The following L2HGDH variants were observed in gnomAD, a reference collection of about 807,000 sequenced individuals.
L2HGDH encodes the protein L-2-hydroxyglutarate dehydrogenase.
Under a neutral mutation model 51.5 loss-of-function variants are expected in L2HGDH, and 34 were observed. The observed-to-expected ratio is 0.66, with a 90% CI of 0.50 to 0.88. L2HGDH has a LOEUF of 0.88. Ranked by LOEUF, L2HGDH falls within the 40% of genes least tolerant of loss-of-function variation. The pLI is 0.00. For missense variants in L2HGDH, 558 were observed against 571.9 expected (o/e 0.98, Z 0.25); for synonymous variants, 198 against 197.9 (o/e 1.00, Z -0.01).
At chr14:50,276,458 T>C (rs1889983945) in intron 6 of L2HGDH, among the ~76,000 whole-genome samples, 1 of 108,240 alleles carries the variant, frequency 9.2e-6, no homozygotes. Flanking sequence ...ATAGATTGAA[T>C]TGTGCCCCCC....
chr14:50,298,811 C>T (rs1177176432), intron 3 of L2HGDH, among the ~76,000 whole-genome samples: 1 of 152,080 alleles, frequency 6.6e-6, no homozygotes, highest in Admixed American at 6.6e-5. Flanking sequence ...AGACAACATA[C>T]CAAAACCTAT....
At chr14:50,293,706 A>G (rs765652282) in intron 4 of L2HGDH, among the ~76,000 whole-genome samples, 5 of 152,172 alleles carry the variant, frequency 3.3e-5, no homozygotes, top group African/African-American at 7.2e-5. Context: ...CCCTCCTCCA[A>G]AAATGTTCAA....
At chr14:50,289,715 C>T (rs1275430564) in intron 4 of L2HGDH, among the ~76,000 whole-genome samples, 2 of 152,166 alleles carry the variant, frequency 1.3e-5, no homozygotes, top group Non-Finnish European at 2.9e-5. Context: ...AAGGGATTAA[C>T]GTTTAGCCGA....
intron 2 of L2HGDH, among the ~76,000 whole-genome samples, 190 bp from the exon 3 acceptor site, chr14:50,302,358 T>C (rs1032713596): frequency 6.6e-6 from 1 of 152,224 alleles, no homozygotes; most frequent in Admixed American, 6.5e-5. Flanking sequence ...AGCCCATCTC[T>C]GATTTCAACT....
In L2HGDH at chr14:50,283,856, A is replaced by G; in HGVS notation, c.703+15T>C. ...GGGCTGACTATATTCAATAGAAAAG[A>G]CAAGGATGGCTTACCATCTATACTT... On this transcript the variant is annotated intron_variant, in intron 5 of 9. Transcript: ENST00000267436. 1.2e-6 allele frequency: 2 copies of G among 1,611,698 alleles called. No individual in the cohort carries two copies. Among genetic ancestry groups the G allele is most frequent in the Non-Finnish European group, 1.7e-6 (2 of 1,177,822 alleles).
intron 4 of L2HGDH, among the ~76,000 whole-genome samples, chr14:50,289,811 C>T (rs1890773021): frequency 6.6e-6 from 1 of 152,140 alleles, no homozygotes; most frequent in South Asian, 2.1e-4. Flanking sequence ...TTATAACCCA[C>T]TCAATGTTAA....
intron 9 of L2HGDH, among the ~76,000 whole-genome samples, chr14:50,247,747 A>G (rs1888090997): frequency 6.6e-6 from 1 of 152,162 alleles, no homozygotes; most frequent in South Asian, 2.1e-4. Flanking sequence ...AAATTTATGG[A>G]GAGAAATATT....
chr14:50,292,494 G>A (rs1890936264), intron 4 of L2HGDH, among the ~76,000 whole-genome samples: 1 of 151,922 alleles, frequency 6.6e-6, no homozygotes, highest in Admixed American at 6.6e-5. Context: ...ATCACCTGAG[G>A]TCGGGAGTTC....
intron 8 of L2HGDH, 25 bp downstream of exon 8, chr14:50,267,728 C>G (rs1566512817): frequency 6.4e-7 from 1 of 1,553,976 alleles, no homozygotes; most frequent in Non-Finnish European, 8.8e-7. Context: ...CACATAAAAT[C>G]ATTTTTAAAA....
rs1003262959 is a variant in L2HGDH, at chr14:50,290,672, AT to A, written c.540+3442del. ...GGACACTGAAATTTGAATTTCATAT[AT>A]TTTTTTTTGAGATGGAGTCTCTCTC... On this transcript the variant is annotated intron_variant, in intron 4 of 9. Transcript: ENST00000267436. Among the ~76,000 whole-genome samples the A allele has an allele frequency of 5.3e-5, 8 of 149,606 alleles. No individual in the cohort carries two copies. In the East Asian group the frequency reaches 1.4e-3, roughly 26 times the overall value.
At chr14:50,287,864 T>C (rs998117986) in intron 4 of L2HGDH, among the ~76,000 whole-genome samples, 3 of 151,666 alleles carry the variant, frequency 2.0e-5, no homozygotes, top group African/African-American at 7.3e-5. Context: ...CGCCTGGCTA[T>C]TTTTTGTATT....
intron 4 of L2HGDH, among the ~76,000 whole-genome samples, chr14:50,289,740 G>A (rs1890770165): frequency 6.6e-6 from 1 of 152,120 alleles, no homozygotes; most frequent in African/African-American, 2.4e-5. Flanking sequence ...CTTATACATA[G>A]TATTTCATTT....
chr14:50,277,683 G>A (rs1399834782), intron 6 of L2HGDH, among the ~76,000 whole-genome samples: 1 of 151,798 alleles, frequency 6.6e-6, no homozygotes, highest in Non-Finnish European at 1.5e-5. Flanking sequence ...TGAGGCAGGA[G>A]AATGGTGTGC....
At chr14:50,298,018 T>C (rs1470910470) in intron 3 of L2HGDH, among the ~76,000 whole-genome samples, 1 of 151,496 alleles carries the variant, frequency 6.6e-6, no homozygotes, top group African/African-American at 2.4e-5. Context: ...TTTGGGTGGG[T>C]AGATCACTTG....
chr14:50,287,349 A>G, intron 4 of L2HGDH: 1 of 979,902 alleles, frequency 1.0e-6, no homozygotes, highest in South Asian at 4.7e-5. Context: ...CACAACAGGC[A>G]ACAATCAGAT....
rs2031277320 is a variant in L2HGDH at position 50,312,205 on chromosome 14, C to T, written c.-55G>A. 2.5e-6 allele frequency: 4 copies of T among 1,596,384 alleles called. No individual in the cohort carries two copies. Among genetic ancestry groups the T allele is most frequent in the African/African-American group, 1.3e-5 (1 of 74,798 alleles). On this transcript the variant is annotated 5_prime_UTR_variant, in exon 1 of 10. It adds an upstream start codon to the 5' untranslated region. Transcript: ENST00000267436. Reference sequence around the variant, plus strand: ...TCAGAAGAAGCCACTTGACCCTCCACGGCCGAGGACCCGCGCTCTTTAGCC... The same window carrying T: ...TCAGAAGAAGCCACTTGACCCTCCATGGCCGAGGACCCGCGCTCTTTAGCC...
chr14:50,278,599 C>A, intron 5 of L2HGDH, 45 bp from the exon 6 acceptor site: 1 of 1,026,072 alleles, frequency 9.7e-7, no homozygotes, highest in South Asian at 1.4e-5. Flanking sequence ...AGCAAAAGGC[C>A]AACATTATTT....
chr14:50,287,641 T>G (rs1890631563), intron 4 of L2HGDH, among the ~76,000 whole-genome samples: 1 of 150,474 alleles, frequency 6.6e-6, no homozygotes, highest in Non-Finnish European at 1.5e-5. Flanking sequence ...TTTTTAAATT[T>G]TTGAAACTTT....
chr14:50,271,071 C>T (rs1889658051), intron 6 of L2HGDH, among the ~76,000 whole-genome samples: 2 of 152,050 alleles, frequency 1.3e-5, no homozygotes, highest in African/African-American at 4.8e-5. Context: ...TGGCTCACTA[C>T]AGCCTCAACC....
Sources: gnomAD v4.1 joint callset for allele counts (sites outside exome capture counted in the v4.1 genomes callset) on GRCh38, gnomAD v4.1.1 for gene constraint, MANE v1.5 for transcripts, NCBI Gene and HGNC (gene_info 2026-07-23, HGNC 2026-07-21) for gene names.